The following STAU2 variants were observed in gnomAD, a reference collection of about 807,000 sequenced individuals.
STAU2 encodes the protein staufen double-stranded RNA binding protein 2, also known as double-stranded RNA-binding protein Staufen homolog 2.
STAU2 carries 20 observed loss-of-function variants against 65.9 expected under a neutral mutation model. The observed-to-expected ratio is 0.30, with a 90% CI of 0.21 to 0.44. The LOEUF (loss-of-function observed/expected upper bound fraction) is 0.44. Among genes scored for constraint, STAU2 ranks in the 20% least tolerant of loss-of-function variants. STAU2 has a pLI of 1.00. For synonymous variants in STAU2, 232 were observed against 233.9 expected (o/e 0.99, Z 0.07); for missense variants, 558 against 683.9 (o/e 0.82, Z 2.05).
At chr8:73,676,698 C>A (rs945248153) in intron 5 of STAU2, among the ~76,000 whole-genome samples, 1 of 152,154 alleles carries the variant, frequency 6.6e-6, no homozygotes, top group African/African-American at 2.4e-5. Context: ...CAGGTTCAAG[C>A]GATTCTCCTG....
At chr8:73,551,133 G>A (rs1238674818) in intron 13 of STAU2, 21 of 987,402 alleles carry the variant, frequency 2.1e-5, no homozygotes, top group Non-Finnish European at 2.5e-5. Flanking sequence ...TTCAGTACAT[G>A]ATTTTCAAGG....
intron 12 of STAU2, among the ~76,000 whole-genome samples, chr8:73,554,515 GGGT>G (rs1230346628): frequency 6.6e-6 from 1 of 152,212 alleles, no homozygotes; most frequent in Non-Finnish European, 1.5e-5. Flanking sequence ...TGGGGGTGGA[GGGT>G]GGTTGTCCTG....
intron 13 of STAU2, among the ~76,000 whole-genome samples, chr8:73,521,262 G>C (rs551970786): frequency 6.6e-6 from 1 of 152,274 alleles, no homozygotes; most frequent in African/African-American, 2.4e-5. Context: ...TACACTTCAT[G>C]AATGTCCTTT....
At chr8:73,679,234 T>C (rs908344307) in intron 5 of STAU2, among the ~76,000 whole-genome samples, 1 of 152,124 alleles carries the variant, frequency 6.6e-6, no homozygotes, top group African/African-American at 2.4e-5. Context: ...TAACGGGACA[T>C]ATAGATTCAC....
chr8:73,470,139 G>A (rs942426975), intron 13 of STAU2, among the ~76,000 whole-genome samples: 8 of 152,132 alleles, frequency 5.3e-5, no homozygotes, highest in African/African-American at 1.7e-4. Context: ...TAGTGAATTC[G>A]CATTTGTTTT....
chr8:73,559,255 T>C (rs1480025236), intron 12 of STAU2, among the ~76,000 whole-genome samples: 1 of 152,226 alleles, frequency 6.6e-6, no homozygotes, highest in Non-Finnish European at 1.5e-5. Flanking sequence ...TATTACACTT[T>C]TAAAAGTTTT....
chr8:73,706,533 T>G lies in STAU2; in HGVS notation c.114+2499A>C, dbSNP rs1018344536. Reference sequence around the variant, plus strand: ...AAGGCCACTGATAGACATACATGAATGAAAATGATTTTGCTTTTCACAAAA... The same window carrying G: ...AAGGCCACTGATAGACATACATGAAGGAAAATGATTTTGCTTTTCACAAAA... On this transcript the variant is annotated intron_variant, in intron 4 of 14. Coordinates refer to ENST00000524300, the MANE Select transcript of STAU2 (RefSeq NM_001164380.2). Among the ~76,000 whole-genome samples the G allele has an allele frequency of 6.7e-4, 102 of 152,220 alleles. 7 individuals are homozygous for G.
chr8:73,747,424 AG>A (rs1215391510), upstream of STAU2: 3 of 1,534,988 alleles, frequency 2.0e-6, no homozygotes, highest in Admixed American at 3.9e-5. Flanking sequence ...TGTGCTGTGC[AG>A]GGGACGCGCG....
intron 3 of STAU2, among the ~76,000 whole-genome samples, chr8:73,709,999 T>C (rs997639265): frequency 1.3e-5 from 2 of 152,068 alleles, no homozygotes; most frequent in Admixed American, 1.3e-4. Context: ...AGAATTTCTT[T>C]TACAATATTG....
At chr8:73,672,648 A>C (rs1212059560) in intron 6 of STAU2, among the ~76,000 whole-genome samples, 1 of 152,214 alleles carries the variant, frequency 6.6e-6, no homozygotes, top group Non-Finnish European at 1.5e-5. Flanking sequence ...TGAAAATATA[A>C]AAGGTGGCAA....
At chr8:73,560,795 T>A (rs1035356215) in intron 12 of STAU2, among the ~76,000 whole-genome samples, 1 of 151,838 alleles carries the variant, frequency 6.6e-6, no homozygotes. Flanking sequence ...GCAATAAAGG[T>A]TTTTCAAAAA....
intron 13 of STAU2, chr8:73,549,641 A>G: frequency 2.0e-6 from 2 of 985,274 alleles, no homozygotes; most frequent in Non-Finnish European, 2.4e-6. Flanking sequence ...TTTGTAATAC[A>G]ATATAGCTGT....
intron 6 of STAU2, among the ~76,000 whole-genome samples, chr8:73,627,980 T>C (rs544756640): frequency 2.0e-5 from 3 of 152,140 alleles, no homozygotes; most frequent in Non-Finnish European, 4.4e-5. Context: ...TTTCATGAAA[T>C]ATAGCATATC....
At chr8:73,714,138 G>A (rs1381081121) in intron 3 of STAU2, among the ~76,000 whole-genome samples, 2 of 152,066 alleles carry the variant, frequency 1.3e-5, no homozygotes, top group African/African-American at 4.8e-5. Flanking sequence ...CCCGACCTCA[G>A]GTGATCCGCC....
At chr8:73,550,873 T>C (rs1316201238) in intron 13 of STAU2, 2 of 987,350 alleles carry the variant, frequency 2.0e-6, no homozygotes, top group African/African-American at 3.5e-5. Context: ...AATCCGAACA[T>C]GCAAAATACC....
intron 13 of STAU2, among the ~76,000 whole-genome samples, chr8:73,428,601 G>A (rs1440477557): frequency 6.6e-6 from 1 of 152,102 alleles, no homozygotes; most frequent in African/African-American, 2.4e-5. Context: ...GGGCTTCTCG[G>A]TCCTGTTTTA....
intron 9 of STAU2, among the ~76,000 whole-genome samples, chr8:73,613,060 A>T (rs1004901978): frequency 6.6e-6 from 1 of 152,238 alleles, no homozygotes; most frequent in African/African-American, 2.4e-5. Flanking sequence ...TGTGCTCTAT[A>T]TTCTTCTTTG....
At chr8:73,497,091 A>AT (rs1442747789) in intron 13 of STAU2, among the ~76,000 whole-genome samples, 1 of 151,734 alleles carries the variant, frequency 6.6e-6, no homozygotes, top group Non-Finnish European at 1.5e-5. Flanking sequence ...ATTCTGGATG[A>AT]TTTTTTTCTA....
Position 73,658,717 on chromosome 8 carries a change from A to G in STAU2, c.410+14390T>C, listed in dbSNP as rs141033671. On this transcript the variant is annotated intron_variant, in intron 6 of 14. Coordinates refer to ENST00000524300, the MANE Select transcript of STAU2 (RefSeq NM_001164380.2). ...ATCACGAGGTCAGGAGTTCAAGACC[A>G]GCCTGGCCAACATGGTGAAACCCCG... Among the ~76,000 whole-genome samples, 117 of 152,178 alleles carry G rather than the reference A, an allele frequency of 7.7e-4. 1 individual carries two copies. The highest frequency in any genetic ancestry group is 2.6e-3 in the African/African-American group (110 of 41,512).
Sources: allele counts gnomAD v4.1 joint callset (sites outside exome capture counted in the v4.1 genomes callset), GRCh38; gene constraint gnomAD v4.1.1; transcripts MANE v1.5; gene names NCBI Gene and HGNC (gene_info 2026-07-23, HGNC 2026-07-21).